Variants in DSN1 observed in about 807,000 individuals in gnomAD.
The protein encoded by DSN1 is kinetochore-associated protein DSN1 homolog.
In DSN1, 31 loss-of-function variants were observed where a neutral mutation model predicts 45.7. That is an observed-to-expected ratio of 0.68 (90% CI 0.51 to 0.92). DSN1 has a LOEUF of 0.92. Ranked by LOEUF, DSN1 falls within the 40% of genes least tolerant of loss-of-function variation. The pLI, the probability that DSN1 is intolerant of heterozygous loss-of-function variation, is 0.00. For missense variants in DSN1, 394 were observed against 414.2 expected (o/e 0.95, Z 0.42); for synonymous variants, 134 against 142.3 (o/e 0.94, Z 0.41).
chr20:36,762,674 C>T (rs1987065935), intron 5 of DSN1, 126 bp from the exon 6 acceptor site: 1 of 689,834 alleles, frequency 1.4e-6, no homozygotes, highest in Non-Finnish European at 2.3e-6. Context: ...CTCAAGCCCA[C>T]CCAAAAGTGT....
chr20:36,763,402 CAAAAAAAGA>C (rs1314886511), intron 5 of DSN1, among the ~76,000 whole-genome samples: 3 of 3,586 alleles, frequency 8.4e-4, no homozygotes, highest in Non-Finnish European at 2.2e-3. Flanking sequence ...GACTCTGTCT[CAAAAAAAGA>C]AAAAAAAAAA....
In DSN1 at chr20:36,754,805, C is replaced by T. The variant is rs1452638382; in HGVS notation, c.919G>A (p.Asp307Asn). 1.3e-5 allele frequency: 21 copies of T among 1,613,832 alleles called. No individual in the cohort carries two copies. The highest frequency in any genetic ancestry group is 1.7e-5 in the Non-Finnish European group (20 of 1,179,896). Residue 307 changes from aspartate (D) to asparagine (N), a missense_variant, in exon 10 of 11, where the codon GAT (aspartate) becomes AAT (asparagine). Asp to Asn is a conservative substitution (Grantham distance 23, BLOSUM62 1). Transcript: ENST00000373750. ...GSVKQLQAFMDESTQCFQKVS... is the reference protein window; with the variant it reads ...GSVKQLQAFMNESTQCFQKVS... ...TTCTGGAAGCACTGGGTACTTTCATCCATAAAGGCCTGCAGCTGTTTCACT... is the reference window on the plus strand; with the variant it reads ...TTCTGGAAGCACTGGGTACTTTCATTCATAAAGGCCTGCAGCTGTTTCACT...
intron 8 of DSN1, among the ~76,000 whole-genome samples, chr20:36,757,130 C>A (rs972417186): frequency 5.9e-5 from 9 of 152,218 alleles, no homozygotes; most frequent in African/African-American, 1.9e-4. Flanking sequence ...CCAAGATGGG[C>A]AGATCACTTG....
At chr20:36,766,893 T>A in intron 4 of DSN1, 52 bp from the exon 5 acceptor site, 1 of 1,308,972 alleles carries the variant, frequency 7.6e-7, no homozygotes, top group Non-Finnish European at 1.1e-6. Context: ...TCCAGGCCAG[T>A]CCTAAATTTA....
intron 9 of DSN1, 37 bp from the exon 10 acceptor site, chr20:36,754,887 A>G (rs1477372384): frequency 6.3e-7 from 1 of 1,583,900 alleles, no homozygotes; most frequent in Non-Finnish European, 8.7e-7. Flanking sequence ...GTAAAGGTCC[A>G]TGGCTTCTTG....
chr20:36,759,116 G>C (rs991950887), intron 6 of DSN1, among the ~76,000 whole-genome samples: 1 of 151,998 alleles, frequency 6.6e-6, no homozygotes, highest in Non-Finnish European at 1.5e-5. Flanking sequence ...CAGAGTAGCC[G>C]GGACTACAAG....
At chr20:36,769,938 CACAG>C (rs1279285569) in intron 3 of DSN1, among the ~76,000 whole-genome samples, 70 of 123,782 alleles carry the variant, frequency 5.7e-4, no homozygotes, top group African/African-American at 5.9e-4. Context: ...CACACACACA[CACAG>C]AGAGAGAGAG....
At chr20:36,753,863 G>A (rs533383568) in intron 10 of DSN1, among the ~76,000 whole-genome samples, 29 of 149,964 alleles carry the variant, frequency 1.9e-4, no homozygotes, top group Admixed American at 2.7e-4. Context: ...AAAATTAGCC[G>A]GGCATGGTGG....
Position 36,758,600 on chromosome 20 carries a change from G to C in DSN1, c.608C>G (p.Ser203Cys). 2 of 1,611,236 alleles carry C rather than the reference G, an allele frequency of 1.2e-6. No individual in the cohort carries two copies. The highest frequency in any genetic ancestry group is 1.7e-6 in the Non-Finnish European group (2 of 1,179,362). Residue 203 changes from serine to cysteine, a missense_variant, in exon 7 of 11, where the codon TCT (serine) becomes TGT (cysteine). Physicochemically the swap from Ser to Cys is moderately radical, Grantham distance 112 (BLOSUM62 -1). Coordinates refer to ENST00000373750, the MANE Select transcript of DSN1 (RefSeq NM_001145315.2). ...EDSNGKASDF[S>C]LEASVAEMKE... is the part of the protein sequence containing the mutation. ...CATCTCAGCCACAGATGCTTCCAAA[G>C]AAAAATCTGATGCTTTTCTGGAAAA...
In DSN1 at chr20:36,773,402, C is replaced by A. The variant is rs868812072; in HGVS notation, c.-16+260G>T. ...CTCTACCCAGTCCTCACCCCTGTTTCTGGAGCCTAGACCCCTGGCACGGCA... is the reference window on the plus strand; with the variant it reads ...CTCTACCCAGTCCTCACCCCTGTTTATGGAGCCTAGACCCCTGGCACGGCA... On this transcript the variant is annotated intron_variant, in intron 1 of 10. Transcript: ENST00000373750. 6.5e-5 allele frequency: 64 copies of A among 985,444 alleles called. No homozygotes were observed. In the African/African-American group the frequency reaches 9.8e-4, roughly 15 times the overall value. 61.0% of individuals were successfully genotyped at this position (985,444 alleles called of 1,614,324 possible).
rs115181537 is a variant in DSN1 at position 36,761,194 on chromosome 20, T to A, written c.590+1267A>T. Among the ~76,000 whole-genome samples the A allele has an allele frequency of 4.1e-3, 632 of 152,302 alleles. 6 individuals carry two copies. Among genetic ancestry groups the A allele is most frequent in the African/African-American group, 0.015 (604 of 41,568 alleles). ...GTTTTTCCCCTCATCTTTTCATGGC[T>A]GGTTCCTTCTCACCATTCATATCTT... On this transcript the variant is annotated intron_variant, in intron 6 of 10. Transcript: ENST00000373750.
At position 36,752,479 on chromosome 20, in the gene DSN1, A is replaced by G. The variant is rs1986428855; in HGVS notation, c.*309T>C. On this transcript the variant is annotated 3_prime_UTR_variant, in exon 11 of 11. Transcript: ENST00000373750. Reference sequence around the variant, plus strand: ...AGACTTGGTCCTAAATGATTTTTGGATTGTTTCAAAACCTGAAAAACACCT... The same window carrying G: ...AGACTTGGTCCTAAATGATTTTTGGGTTGTTTCAAAACCTGAAAAACACCT... 6 of 246,226 alleles carry G rather than the reference A, an allele frequency of 2.4e-5. No homozygotes were observed. The East Asian group carries it at 4.9e-4, about 20-fold the overall frequency. 15.3% of individuals were successfully genotyped at this position (246,226 alleles called of 1,614,324 possible). A position where few individuals can be genotyped will look rare whatever the true frequency, so the allele number is the denominator to read the frequency against.
At chr20:36,773,276 A>C in intron 1 of DSN1, 1 of 676,858 alleles carries the variant, frequency 1.5e-6, no homozygotes, top group Middle Eastern at 7.6e-4. Flanking sequence ...CATTAACTCC[A>C]CTTTGCAGAC....
At chr20:36,764,760 G>C (rs1295670523) in intron 5 of DSN1, among the ~76,000 whole-genome samples, 4 of 151,706 alleles carry the variant, frequency 2.6e-5, no homozygotes, top group Admixed American at 6.6e-5. Context: ...GTCTCTACTA[G>C]AAATACAAAA....
chr20:36,763,410 G>GAAAAAAAAAAAAAAAA (rs71186016), intron 5 of DSN1, among the ~76,000 whole-genome samples: 3 of 84,102 alleles, frequency 3.6e-5, no homozygotes, highest in African/African-American at 4.8e-5. Context: ...CTCAAAAAAA[G>GAAAAAAAAAAAAAAAA]AAAAAAAAAA....
At chr20:36,773,415 C>A in intron 1 of DSN1, 2 of 985,526 alleles carry the variant, frequency 2.0e-6, no homozygotes, top group Non-Finnish European at 2.4e-6. Context: ...GAGCCTAGAC[C>A]CCTGGCACGG....
chr20:36,763,105 T>A (rs1468422130), intron 5 of DSN1, among the ~76,000 whole-genome samples: 1 of 152,106 alleles, frequency 6.6e-6, no homozygotes, highest in East Asian at 1.9e-4. Context: ...AAAAAGCAGT[T>A]TAAAAGGTAT....
At chr20:36,753,338 TAA>T (rs558345664) in intron 10 of DSN1, among the ~76,000 whole-genome samples, 43 of 103,802 alleles carry the variant, frequency 4.1e-4, no homozygotes, top group African/African-American at 2.9e-4. Context: ...AGACCCTGTC[TAA>T]AAAAAAAAAA....
chr20:36,759,857 TTC>T (rs1175354019), intron 6 of DSN1, among the ~76,000 whole-genome samples: 3 of 152,164 alleles, frequency 2.0e-5, no homozygotes, highest in African/African-American at 7.2e-5. Flanking sequence ...TCTCTTTATA[TTC>T]TGTTTCTCTT....
Sources: allele counts gnomAD v4.1 joint callset (sites outside exome capture counted in the v4.1 genomes callset), GRCh38; gene constraint gnomAD v4.1.1; transcripts MANE v1.5; gene names NCBI Gene and HGNC (gene_info 2026-07-23, HGNC 2026-07-21).